Variants in RPH3A observed in about 807,000 individuals in gnomAD.
The protein encoded by RPH3A is rabphilin-3A.
RPH3A carries 48 observed loss-of-function variants against 102.2 expected under a neutral mutation model. The observed-to-expected ratio is 0.47, with a 90% confidence interval of 0.37 to 0.60. RPH3A has a LOEUF of 0.60. Ranked by LOEUF, RPH3A falls within the 20% of genes least tolerant of loss-of-function variation. The probability of loss-of-function intolerance (pLI) is 0.00; values close to 1 mark genes in which losing one functional copy is unlikely to be tolerated. For missense variants in RPH3A, 781 were observed against 910.1 expected (o/e 0.86, Z 1.83); for synonymous variants, 310 against 324.3 (o/e 0.96, Z 0.47).
At chr12:112,813,689 A>G (rs2041621089) in intron 2 of RPH3A, among the ~76,000 whole-genome samples, 1 of 152,156 alleles carries the variant, frequency 6.6e-6, no homozygotes, top group Admixed American at 6.5e-5. Context: ...ACAGGACTAG[A>G]TGCTCTCTGT....
At chr12:112,681,648 T>TA (rs2040226909) in intron 1 of RPH3A, among the ~76,000 whole-genome samples, 1 of 152,224 alleles carries the variant, frequency 6.6e-6, no homozygotes, top group Non-Finnish European at 1.5e-5. Flanking sequence ...TTTTAGTGAA[T>TA]AATGACTTTT....
intron 1 of RPH3A, among the ~76,000 whole-genome samples, chr12:112,742,829 A>G (rs912600321): frequency 3.3e-5 from 5 of 152,172 alleles, no homozygotes; most frequent in Admixed American, 1.3e-4. Flanking sequence ...TCATCTTATG[A>G]CTGTGAAGAT....
chr12:112,636,601 G>A (rs2039850767), intron 1 of RPH3A, among the ~76,000 whole-genome samples: 1 of 152,168 alleles, frequency 6.6e-6, no homozygotes, highest in Admixed American at 6.5e-5. Flanking sequence ...GATACCAACA[G>A]TGCCTCTGTT....
intron 4 of RPH3A, among the ~76,000 whole-genome samples, chr12:112,845,215 C>T (rs2042210153): frequency 6.6e-6 from 1 of 152,122 alleles, no homozygotes; most frequent in East Asian, 1.9e-4. Context: ...GGCTGGCCAC[C>T]ATACTGGTCT....
chr12:112,831,137 GACTGTAT>G (rs2136158170), intron 3 of RPH3A, among the ~76,000 whole-genome samples: 1 of 151,128 alleles, frequency 6.6e-6, no homozygotes, highest in African/African-American at 2.4e-5. Flanking sequence ...ACAGGCGGCT[GACTGTAT>G]TTGGCCTGTA....
chr12:112,721,209 G>A (rs947729524), intron 1 of RPH3A, among the ~76,000 whole-genome samples: 6 of 152,106 alleles, frequency 3.9e-5, no homozygotes, highest in African/African-American at 1.4e-4. Context: ...CTCTTCCAGG[G>A]GTGTGGATAT....
intron 1 of RPH3A, among the ~76,000 whole-genome samples, chr12:112,714,702 C>T (rs1017007950): frequency 6.6e-6 from 1 of 152,136 alleles, no homozygotes; most frequent in Non-Finnish European, 1.5e-5. Context: ...GGTTTTGTCT[C>T]ATAGGGCACT....
chr12:112,758,125 CAT>C (rs1195796437), intron 1 of RPH3A, among the ~76,000 whole-genome samples: 1 of 152,178 alleles, frequency 6.6e-6, no homozygotes, highest in Non-Finnish European at 1.5e-5. Flanking sequence ...GCTCCCCACT[CAT>C]ATGAAATCCA....
intron 1 of RPH3A, among the ~76,000 whole-genome samples, chr12:112,760,808 A>G (rs1032843469): frequency 5.3e-5 from 8 of 152,214 alleles, no homozygotes; most frequent in Non-Finnish European, 1.0e-4. Context: ...GCAGCCATCG[A>G]TAATCAGTCA....
chr12:112,734,740 T>C (rs1226066048), intron 1 of RPH3A, among the ~76,000 whole-genome samples: 3 of 152,178 alleles, frequency 2.0e-5, no homozygotes. Flanking sequence ...TTTTAGACCA[T>C]ATAGGGTATC....
At chr12:112,878,675 C>T (rs1383078845) in intron 13 of RPH3A, among the ~76,000 whole-genome samples, 1 of 152,178 alleles carries the variant, frequency 6.6e-6, no homozygotes, top group African/African-American at 2.4e-5. Flanking sequence ...GACATTTAAG[C>T]TGAGATATGG....
At chr12:112,696,915 C>CTTT (rs372684111) in intron 1 of RPH3A, among the ~76,000 whole-genome samples, 1 of 147,188 alleles carries the variant, frequency 6.8e-6, no homozygotes, top group African/African-American at 2.5e-5. Context: ...TTTTTTCTTT[C>CTTT]TTTTTTTTTT....
chr12:112,578,623 A>G (rs1037963150), intron 1 of RPH3A, among the ~76,000 whole-genome samples: 2 of 152,232 alleles, frequency 1.3e-5, no homozygotes, highest in African/African-American at 4.8e-5. Context: ...TATGAACTTC[A>G]TTAGGGATTG....
At chr12:112,797,517 A>G (rs11066417) in intron 2 of RPH3A, among the ~76,000 whole-genome samples, 4,848 of 152,106 alleles carry the variant, frequency 0.032, 150 homozygotes, top group East Asian at 0.17. Flanking sequence ...TGGATTTAGC[A>G]TGTCGCTCCC....
At chr12:112,724,052 A>AT (rs146271090) in intron 1 of RPH3A, among the ~76,000 whole-genome samples, 1,622 of 117,306 alleles carry the variant, frequency 0.014, 31 homozygotes, top group African/African-American at 0.028. Flanking sequence ...AATTTTTTTG[A>AT]TTTTTTTTTT....
At chr12:112,614,423 C>T (rs1482653537) in intron 1 of RPH3A, among the ~76,000 whole-genome samples, 54 of 151,754 alleles carry the variant, frequency 3.6e-4, no homozygotes, top group Non-Finnish European at 1.5e-5. Flanking sequence ...GTGGCTCACT[C>T]CTGTAATCCC....
intron 2 of RPH3A, among the ~76,000 whole-genome samples, chr12:112,804,989 A>G (rs1490915995): frequency 1.3e-5 from 2 of 152,202 alleles, no homozygotes; most frequent in Non-Finnish European, 2.9e-5. Context: ...AGAACTAGGC[A>G]TTTATAGGTG....
At chr12:112,679,825 G>A (rs896818315) in intron 1 of RPH3A, among the ~76,000 whole-genome samples, 8 of 152,232 alleles carry the variant, frequency 5.3e-5, no homozygotes, top group Admixed American at 5.2e-4. Context: ...GGCTAGTGGG[G>A]GTGGAGAGGT....
chr12:112,847,978 C>T, intron 5 of RPH3A, 136 bp downstream of exon 5: 7 of 852,478 alleles, frequency 8.2e-6, no homozygotes, highest in Non-Finnish European at 1.3e-5. Flanking sequence ...ACGGGGCCAC[C>T]TCCCCGCCCC....
Sources: gnomAD v4.1 joint callset for allele counts (sites outside exome capture counted in the v4.1 genomes callset) on GRCh38, gnomAD v4.1.1 for gene constraint, MANE v1.5 for transcripts, NCBI Gene and HGNC (gene_info 2026-07-23, HGNC 2026-07-21) for gene names.